Variants in TEPSIN observed in about 807,000 individuals in gnomAD.
TEPSIN encodes AP-4 complex accessory subunit tepsin.
A neutral mutation model predicts 48.5 loss-of-function variants in TEPSIN; 50 were observed. The ratio of observed to expected loss-of-function variants is 1.03; its 90% CI spans 0.82 to 1.31. TEPSIN has a LOEUF of 1.31. Among genes scored for constraint, TEPSIN ranks in the 50% most tolerant of loss-of-function variants. The pLI, the probability that TEPSIN is intolerant of heterozygous loss-of-function variation, is 0.00. For missense variants in TEPSIN, 838 were observed against 815.9 expected, an observed-to-expected ratio of 1.03 and a Z score of -0.33; for synonymous variants, 392 against 358.8, an observed-to-expected ratio of 1.09 and a Z score of -1.05.
chr17:81,232,477 C>A lies in TEPSIN; in HGVS notation c.568G>T (p.Ala190Ser). ...EAFLSTIQKAAEVVASAMRPG... is the reference protein window; with the variant it reads ...EAFLSTIQKASEVVASAMRPG... ...CGCATGGCGCTGGCCACCACCTCTG[C>A]GGCCTTCTGGATGGTGGAGAGGAAG... The change falls in exon 8 of 13, where the codon GCA (alanine) becomes TCA (serine). Residue 190 changes from alanine (A) to serine (S), a missense_variant. Physicochemically the swap from Ala to Ser is moderately conservative, Grantham distance 99. Coordinates refer to ENST00000637944, the MANE Select transcript of TEPSIN (RefSeq NM_001363764.2). 1 of 1,534,916 alleles carries A rather than the reference C, an allele frequency of 6.5e-7. No individual in the cohort carries two copies. The highest frequency in any genetic ancestry group is 1.4e-5 in the African/African-American group (1 of 73,132).
In TEPSIN at chr17:81,230,301, C is replaced by T; in HGVS notation, c.1233+243G>A. 1.9e-6 allele frequency: 1 copy of T among 516,934 alleles called. No individual in the cohort carries two copies. Among genetic ancestry groups the T allele is most frequent in the Non-Finnish European group, 3.4e-6 (1 of 295,940 alleles). The allele number at this position is 516,934 out of a possible 1,614,324, so 32.0% of individuals were successfully genotyped here. A position where few individuals can be genotyped will look rare whatever the true frequency, so the allele number is the denominator to read the frequency against. On this transcript the variant is annotated intron_variant, in intron 12 of 12. Transcript: ENST00000637944. The surrounding 1 kb of genome is among the most constrained non-coding windows in gnomAD (Gnocchi z 4.2). The stretch of plus-strand genomic sequence containing the variant: ...TAAGGCAGCGGAGTCTGGGGGCTTC[C>T]AGGAATAGGTAGAGGCCAGTGTACT...
In TEPSIN at chr17:81,234,240, A is replaced by C. The variant is rs1598357525; in HGVS notation, c.308-192T>G. The C allele has an allele frequency of 4.4e-6, 2 of 459,490 alleles. No individual in the cohort carries two copies. Among genetic ancestry groups the C allele is most frequent in the Non-Finnish European group, 3.8e-6 (1 of 260,868 alleles). The allele number at this position is 459,490 out of a possible 1,614,324, so 28.5% of individuals were successfully genotyped here. A position where few individuals can be genotyped will look rare whatever the true frequency, so the allele number is the denominator to read the frequency against. ...CTGAGCAGACCCTCAGCTCCCCCTC[A>C]CCCATGCCCCACAGAGGCGAGACTC... On this transcript the variant is annotated intron_variant, in intron 4 of 12. Transcript: ENST00000637944. This position sits in a 1 kb window ranked among gnomAD's most constrained non-coding sequence, Gnocchi z 5.4.
At chr17:81,237,620 G>A (rs2062748360) in intron 1 of TEPSIN, 161 bp from the exon 2 acceptor site, 3 of 726,886 alleles carry the variant, frequency 4.1e-6, no homozygotes, top group Non-Finnish European at 6.6e-6. Context: ...CCACAGGGAG[G>A]CTGCAGCAGG....
rs897584758 is a variant in TEPSIN at position 81,228,465 on chromosome 17, A to G, written c.*463T>C. ...GACTTGAAATGGCCTCAGGCCAGAC[A>G]GCACAAGGCAGCCCGGACAAGACAC... On this transcript the variant is annotated 3_prime_UTR_variant, in exon 13 of 13. Coordinates refer to ENST00000637944, the MANE Select transcript of TEPSIN (RefSeq NM_001363764.2). 4 of 235,524 alleles carry G rather than the reference A, an allele frequency of 1.7e-5. No individual in the cohort carries two copies. Among genetic ancestry groups the G allele is most frequent in the East Asian group, 1.8e-4 (1 of 5,666 alleles). 14.6% of individuals were successfully genotyped at this position (235,524 alleles called of 1,614,324 possible). A position where few individuals can be genotyped will look rare whatever the true frequency, so the allele number is the denominator to read the frequency against.
chr17:81,233,776 G>C lies in TEPSIN; in HGVS notation c.376-60C>G. The C allele has an allele frequency of 6.7e-7, 1 of 1,500,250 alleles. No individual in the cohort carries two copies. Among genetic ancestry groups the C allele is most frequent in the Non-Finnish European group, 9.0e-7 (1 of 1,112,206 alleles). 92.9% of individuals were successfully genotyped at this position (1,500,250 alleles called of 1,614,324 possible). A position where few individuals can be genotyped will look rare whatever the true frequency, so the allele number is the denominator to read the frequency against. On this transcript the variant is annotated intron_variant, in intron 5 of 12. Transcript: ENST00000637944. This position sits in a 1 kb window ranked among gnomAD's most constrained non-coding sequence, Gnocchi z 5.8. Reference sequence around the variant, plus strand: ...CACCAGGGCCTGCTGTACTCACCCTGCCACCCATATCAGCTCCGTTCTGTC... The same window carrying C: ...CACCAGGGCCTGCTGTACTCACCCTCCCACCCATATCAGCTCCGTTCTGTC...
Position 81,230,672 on chromosome 17 carries a change from G to C in TEPSIN, c.1105C>G (p.Leu369Val). Residue 369 changes from leucine to valine, a missense_variant, in exon 12 of 13, where the codon CTG becomes GTG. Transcript: ENST00000637944. The surrounding 1 kb of genome is among the most constrained non-coding windows in gnomAD (Gnocchi z 4.2). ...GTSECTQLRALCAIASLGSSD... is the reference protein window; with the variant it reads ...GTSECTQLRAVCAIASLGSSD... ...CTCCCCAGGGAGGCGATGGCACACAGCGCCCTCTGCGGGTGAAGGGAGGGG... is the reference window on the plus strand; with the variant it reads ...CTCCCCAGGGAGGCGATGGCACACACCGCCCTCTGCGGGTGAAGGGAGGGG... The C allele has an allele frequency of 6.5e-7, 1 of 1,548,402 alleles. No individual in the cohort carries two copies. The highest frequency in any genetic ancestry group is 8.7e-7 in the Non-Finnish European group (1 of 1,145,168).
rs61745945 is a variant in TEPSIN at position 81,231,621 on chromosome 17, G to A, written c.976C>T (p.Arg326Cys). Residue 326 changes from arginine (R) to cysteine (C), a missense_variant, in exon 10 of 13, where the codon CGC (arginine) becomes TGC (cysteine). Arg to Cys is a radical substitution (Grantham distance 180). Transcript: ENST00000637944. The stretch of plus-strand genomic sequence containing the variant: ...GCCTCCTCGCGGCTCAGGAAGGCGC[G>A]TGGTCCCCGAGTCACAGTCCTCACC... ...SLVRTVTRGP[R>C]AFLSREEAQH... 20,866 of 1,613,026 alleles carry A rather than the reference G, an allele frequency of 0.013. 191 individuals are homozygous for A. The highest frequency in any genetic ancestry group is 0.014 in the Non-Finnish European group (16,744 of 1,179,688).
At chr17:81,235,174 C>A (rs528854031) in intron 4 of TEPSIN, among the ~76,000 whole-genome samples, 1 of 152,340 alleles carries the variant, frequency 6.6e-6, no homozygotes, top group Admixed American at 6.5e-5. Context: ...TCTGATAAGC[C>A]CTCTCATCCT....
At position 81,230,313 on chromosome 17, in the gene TEPSIN, G is replaced by A; in HGVS notation, c.1233+231C>T. 1 of 528,752 alleles carries A rather than the reference G, an allele frequency of 1.9e-6. No homozygotes were observed. The highest frequency in any genetic ancestry group is 3.8e-5 in the Admixed American group (1 of 26,298). 32.8% of individuals were successfully genotyped at this position (528,752 alleles called of 1,614,324 possible). On this transcript the variant is annotated intron_variant, in intron 12 of 12. Transcript: ENST00000637944. The surrounding 1 kb of genome is among the most constrained non-coding windows in gnomAD (Gnocchi z 4.2). The stretch of plus-strand genomic sequence containing the variant: ...GTCTGGGGGCTTCCAGGAATAGGTA[G>A]AGGCCAGTGTACTGTGAGTGCTGCA...
rs1160790849 is a variant in TEPSIN at position 81,233,914 on chromosome 17, T to C, written c.375+67A>G. 5 of 1,519,124 alleles carry C rather than the reference T, an allele frequency of 3.3e-6. No homozygotes were observed. Among genetic ancestry groups the C allele is most frequent in the Non-Finnish European group, 4.4e-6 (5 of 1,130,986 alleles). 94.1% of individuals were successfully genotyped at this position (1,519,124 alleles called of 1,614,324 possible). The stretch of plus-strand genomic sequence containing the variant: ...ACTGCAAACCCCCCAGCTGACATCC[T>C]GGCCCCAATCCCACCCCTCTACAGG... On this transcript the variant is annotated intron_variant, in intron 5 of 12. Transcript: ENST00000637944. The surrounding 1 kb of genome is among the most constrained non-coding windows in gnomAD (Gnocchi z 5.8).
Position 81,237,649 on chromosome 17 carries a change from G to C in TEPSIN, c.49-190C>G, listed in dbSNP as rs563163422. ...CAGCAGGGTCCTCTCTCAACAGTCA[G>C]GGATGAACAGCCTCGGAGAAGAGGC... On this transcript the variant is annotated intron_variant, in intron 1 of 12. Transcript: ENST00000637944. 6.4e-5 allele frequency: 41 copies of C among 636,162 alleles called. No individual in the cohort carries two copies. In the African/African-American group the frequency reaches 6.8e-4, roughly 11 times the overall value. The allele number at this position is 636,162 out of a possible 1,614,324, so 39.4% of individuals were successfully genotyped here.
intron 12 of TEPSIN, chr17:81,229,779 C>T (rs1383425351): frequency 1.8e-5 from 8 of 443,284 alleles, no homozygotes; most frequent in East Asian, 1.3e-4. Context: ...CAGGCACTGC[C>T]GGAGGGAGTG....
rs1424032138 is a variant in TEPSIN at position 81,238,962 on chromosome 17, C to A, written c.48+24G>T. ...CTCGAGAGGAGCCGTGGGACCGGGG[C>A]CCGGGCGGACCGCCCTCACTCACCC... On this transcript the variant is annotated intron_variant, in intron 1 of 12. Transcript: ENST00000637944. The A allele has an allele frequency of 7.0e-6, 10 of 1,435,268 alleles. No homozygotes were observed. In the Admixed American group the frequency reaches 3.0e-4, roughly 43 times the overall value. 88.9% of individuals were successfully genotyped at this position (1,435,268 alleles called of 1,614,324 possible). A position where few individuals can be genotyped will look rare whatever the true frequency, so the allele number is the denominator to read the frequency against.
chr17:81,238,765 C>T (rs2062771348), intron 1 of TEPSIN: 1 of 1,311,732 alleles, frequency 7.6e-7, no homozygotes, highest in South Asian at 2.2e-5. Flanking sequence ...TGCCCATCGC[C>T]CTTGCGCTCG....
chr17:81,229,337 A>G lies in TEPSIN; in HGVS notation c.1373T>C (p.Phe458Ser), dbSNP rs764943880. The change falls in exon 13 of 13, where the codon TTC becomes TCC. Residue 458 changes from phenylalanine (F) to serine (S), a missense_variant. Transcript: ENST00000637944. ...CGGGGTTGAACTCAGAGGCTGCAGG[A>G]AGACCTGGCTCCCAGGGAGAGGCAC... Reference protein sequence around the residue: ...DAVPLPGSQVFLQPLSSTPVS... With the variant: ...DAVPLPGSQVSLQPLSSTPVS... 3.2e-6 allele frequency: 5 copies of G among 1,566,264 alleles called. No homozygotes were observed. In the South Asian group the frequency reaches 4.7e-5, roughly 15 times the overall value.
In TEPSIN at chr17:81,234,549, A is replaced by G. The variant is rs921253437; in HGVS notation, c.308-501T>C. The stretch of plus-strand genomic sequence containing the variant: ...AATCTTCCGGCCCCAGGGCCCCCCA[A>G]GCCTACACCTGGGGCCGCGGCATCC... On this transcript the variant is annotated intron_variant, in intron 4 of 12. Coordinates refer to ENST00000637944, the MANE Select transcript of TEPSIN (RefSeq NM_001363764.2). This position sits in a 1 kb window ranked among gnomAD's most constrained non-coding sequence, Gnocchi z 5.4. Among the ~76,000 whole-genome samples the G allele has an allele frequency of 2.0e-5, 3 of 150,262 alleles. No homozygotes were observed. Among genetic ancestry groups the G allele is most frequent in the Non-Finnish European group, 4.5e-5 (3 of 67,308 alleles).
At position 81,230,622 on chromosome 17, in the gene TEPSIN, G is replaced by T; in HGVS notation, c.1155C>A (p.His385Gln). 1 of 1,602,812 alleles carries T rather than the reference G, an allele frequency of 6.2e-7. No homozygotes were observed. Among genetic ancestry groups the T allele is most frequent in the East Asian group, 2.3e-5 (1 of 44,326 alleles). The change falls in exon 12 of 13, where the codon CAC becomes CAA. Residue 385 changes from histidine to glutamine, a missense_variant. Coordinates refer to ENST00000637944, the MANE Select transcript of TEPSIN (RefSeq NM_001363764.2). The surrounding 1 kb of genome is among the most constrained non-coding windows in gnomAD (Gnocchi z 4.2). Reference sequence around the variant, plus strand: ...GCCACGGCCGGGTGCGGAGGAGGATGTGCTCCTGGGGGAGGAGGTCGCTGC... The same window carrying T: ...GCCACGGCCGGGTGCGGAGGAGGATTTGCTCCTGGGGGAGGAGGTCGCTGC... ...LGSSDLLPQE[H>Q]ILLRTRPWLQ...
intron 4 of TEPSIN, among the ~76,000 whole-genome samples, chr17:81,235,812 C>T (rs551594689): frequency 3.3e-5 from 5 of 152,344 alleles, no homozygotes; most frequent in Non-Finnish European, 7.3e-5. Context: ...GCATCTACTG[C>T]CTAAGTCATG....
In TEPSIN at chr17:81,229,167, C is replaced by G. The variant is rs1567898214; in HGVS notation, c.1543G>C (p.Glu515Gln). Residue 515 changes from glutamate (E) to glutamine (Q), a missense_variant, in exon 13 of 13, where the codon GAA (glutamate) becomes CAA (glutamine). Transcript: ENST00000637944. ...RLAESRRWRP[E>Q]RIPGGTDSPK... ...CTGTCCGTGCCCCCTGGGATCCGTT[C>G]AGGTCTCCACCGCCTGCTTTCTGCC... is the stretch of plus-strand genomic sequence containing the variant. 1 of 1,611,100 alleles carries G rather than the reference C, an allele frequency of 6.2e-7. No individual in the cohort carries two copies. The highest frequency in any genetic ancestry group is 1.7e-4 in the Middle Eastern group (1 of 6,060).
Sources: allele counts gnomAD v4.1 joint callset (sites outside exome capture counted in the v4.1 genomes callset), GRCh38; gene constraint gnomAD v4.1.1; non-coding constraint Gnocchi (gnomAD v3.1); transcripts MANE v1.5; gene names NCBI Gene and HGNC (gene_info 2026-07-23, HGNC 2026-07-21).